The following PIEZO2 variants were observed in gnomAD, a reference collection of about 807,000 sequenced individuals.
The protein encoded by PIEZO2 is piezo type mechanosensitive ion channel component 2, also known as piezo-type mechanosensitive ion channel component 2.
PIEZO2 carries 172 observed loss-of-function variants against 337.3 expected under a neutral mutation model. That is an observed-to-expected ratio of 0.51 (90% CI 0.45 to 0.58). The LOEUF (loss-of-function observed/expected upper bound fraction) is 0.58, where lower values mean the gene tolerates loss of function less well. PIEZO2 is among the 20% of genes least tolerant of loss of function. The pLI is 0.00. For missense variants in PIEZO2, 3,028 were observed against 3,391.3 expected, an observed-to-expected ratio of 0.89 and a Z score of 2.66; for synonymous variants, 1,251 against 1,228.5, an observed-to-expected ratio of 1.02 and a Z score of -0.38.
chr18:10,763,295 C>A, intron 21 of PIEZO2, 197 bp from the exon 22 acceptor site: 1 of 590,532 alleles, frequency 1.7e-6, no homozygotes, highest in Non-Finnish European at 3.0e-6. Context: ...GGCATTATGT[C>A]TTGTATGGCA....
At chr18:10,893,606 T>C (rs1194580244) in intron 4 of PIEZO2, 1 of 152,192 alleles carries the variant, frequency 6.6e-6, no homozygotes, top group Non-Finnish European at 1.5e-5. Flanking sequence ...GGGTGAGCAG[T>C]TCAGGATGAG....
At chr18:10,905,112 T>C (rs111576050) in intron 4 of PIEZO2, among the ~76,000 whole-genome samples, 5 of 152,342 alleles carry the variant, frequency 3.3e-5, no homozygotes, top group African/African-American at 1.2e-4. Flanking sequence ...AAATTTTACA[T>C]TATAATTTCA....
chr18:11,060,687 C>G (rs1468965275), intron 2 of PIEZO2, among the ~76,000 whole-genome samples: 1 of 152,174 alleles, frequency 6.6e-6, no homozygotes, highest in Non-Finnish European at 1.5e-5. Flanking sequence ...GACACATACA[C>G]CCTCCCAAGA....
At chr18:11,076,066 G>A (rs900402031) in intron 1 of PIEZO2, among the ~76,000 whole-genome samples, 4 of 152,110 alleles carry the variant, frequency 2.6e-5, no homozygotes, top group East Asian at 1.9e-4. Flanking sequence ...GATTACAGGC[G>A]TGAGCCACCG....
chr18:11,082,539 G>C (rs1370881516), intron 1 of PIEZO2, among the ~76,000 whole-genome samples: 1 of 151,976 alleles, frequency 6.6e-6, no homozygotes, highest in South Asian at 2.1e-4. Flanking sequence ...GGATGGTCTC[G>C]ATCTCCTGAC....
chr18:11,075,218 C>G (rs111756603), intron 1 of PIEZO2, among the ~76,000 whole-genome samples: 1 of 152,032 alleles, frequency 6.6e-6, no homozygotes, highest in Admixed American at 6.6e-5. Context: ...TCTTTCTGTA[C>G]GCTGAAGCAA....
In PIEZO2 at chr18:11,102,827, C is replaced by T. The variant is rs1010854633; in HGVS notation, c.65-36605G>A. ...CTTCAGACTTCAGATGGTTCCAGGC[C>T]GGCCTCCTCTCCCTCCCAGGAGGCT... On this transcript the variant is annotated intron_variant, in intron 1 of 55. Transcript: ENST00000674853. This position sits in a 1 kb window ranked among gnomAD's most constrained non-coding sequence, Gnocchi z 5.7. Among the ~76,000 whole-genome samples the T allele has an allele frequency of 4.6e-5, 7 of 152,154 alleles. No individual in the cohort carries two copies. Among genetic ancestry groups the T allele is most frequent in the South Asian group, 2.1e-4 (1 of 4,826 alleles).
chr18:10,839,553 A>G (rs2041126366), intron 7 of PIEZO2, among the ~76,000 whole-genome samples: 1 of 151,146 alleles, frequency 6.6e-6, no homozygotes, highest in Admixed American at 6.6e-5. Flanking sequence ...TTACTTTGCC[A>G]GACCACTTCA....
In PIEZO2 at chr18:10,757,955, GA is replaced by G. The variant is rs772901067; in HGVS notation, c.3923+13del. On this transcript the variant is annotated intron_variant, in intron 27 of 55. Coordinates refer to ENST00000674853, the MANE Select transcript of PIEZO2 (RefSeq NM_001378183.1). ...CATCAAAGTGGCTTTTAGCAAATGT[GA>G]AGCTCTTGTTACCTGCAGTGAATAA... 5.9e-6 allele frequency: 9 copies of G among 1,527,672 alleles called. No individual in the cohort carries two copies. Among genetic ancestry groups the G allele is most frequent in the Non-Finnish European group, 7.0e-6 (8 of 1,141,976 alleles). 94.6% of individuals were successfully genotyped at this position (1,527,672 alleles called of 1,614,324 possible).
intron 2 of PIEZO2, among the ~76,000 whole-genome samples, chr18:11,034,075 G>C (rs534313072): frequency 6.6e-6 from 1 of 152,258 alleles, no homozygotes; most frequent in African/African-American, 2.4e-5. Context: ...ACCCAATGCT[G>C]TGTGTGCGAA....
rs1486366869 is a variant in PIEZO2, at chr18:10,726,320, TC to T, written c.5029+5086del. Reference sequence around the variant, plus strand: ...GCCCCGGCCAGGTGGAGCAGGTGGGTCCCCGAACGCCCCGCCCAGCGCTGCC... The same window carrying T: ...GCCCCGGCCAGGTGGAGCAGGTGGGTCCCGAACGCCCCGCCCAGCGCTGCC... On this transcript the variant is annotated intron_variant, in intron 36 of 55. Transcript: ENST00000674853. The surrounding 1 kb of genome is among the most constrained non-coding windows in gnomAD (Gnocchi z 5.9). 1 of 1,328,926 alleles carries T rather than the reference TC, an allele frequency of 7.5e-7. No individual in the cohort carries two copies. Among genetic ancestry groups the T allele is most frequent in the African/African-American group, 1.5e-5 (1 of 68,056 alleles). The allele number at this position is 1,328,926 out of a possible 1,614,324, so 82.3% of individuals were successfully genotyped here.
intron 7 of PIEZO2, among the ~76,000 whole-genome samples, chr18:10,814,170 TG>T (rs1261748100): frequency 1.3e-5 from 2 of 151,884 alleles, no homozygotes; most frequent in Non-Finnish European, 2.9e-5. Context: ...AGGGTTTCAC[TG>T]TGTTAGCCAG....
chr18:10,846,730 G>A lies in PIEZO2; in HGVS notation c.917+8623C>T, dbSNP rs1430139170. Among the ~76,000 whole-genome samples the A allele has an allele frequency of 2.1e-4, 32 of 152,144 alleles. No homozygotes were observed. Among genetic ancestry groups the A allele is most frequent in the Admixed American group, 2.1e-3 (32 of 15,274 alleles). ...TTTTCCTTCCTTATAAAGGAAGATGGAAGGTTCTGGAAGGAGGTGCATGGG... is the reference window on the plus strand; with the variant it reads ...TTTTCCTTCCTTATAAAGGAAGATGAAAGGTTCTGGAAGGAGGTGCATGGG... On this transcript the variant is annotated intron_variant, in intron 7 of 55. Transcript: ENST00000674853. This position sits in a 1 kb window ranked among gnomAD's most constrained non-coding sequence, Gnocchi z 4.1.
In PIEZO2 at chr18:11,078,149, ACACACACACATACACACAC is replaced by A. The variant is rs1268264410; in HGVS notation, c.65-11946_65-11928del. On this transcript the variant is annotated intron_variant, in intron 1 of 55. Transcript: ENST00000674853. This position sits in a 1 kb window ranked among gnomAD's most constrained non-coding sequence, Gnocchi z 5.3. Reference sequence around the variant, plus strand: ...ACACACACATACACACACACTCACCACACACACACATACACACACCACACACACATACACACACACACTT... The same window carrying A: ...ACACACACATACACACACACTCACCACACACACACATACACACACACACTT... 3.3e-5 allele frequency among the ~76,000 whole-genome samples: 5 copies of A among 151,064 alleles called. No homozygotes were observed. The highest frequency in any genetic ancestry group is 1.2e-4 in the African/African-American group (5 of 40,982).
At chr18:10,760,229 C>T (rs934751389) in intron 24 of PIEZO2, among the ~76,000 whole-genome samples, 7 of 152,310 alleles carry the variant, frequency 4.6e-5, no homozygotes, top group Admixed American at 2.0e-4. Flanking sequence ...CTATCACAAT[C>T]GTTTTAGGTT....
At chr18:10,755,867 A>AG (rs969540276) in intron 27 of PIEZO2, among the ~76,000 whole-genome samples, 1 of 151,578 alleles carries the variant, frequency 6.6e-6, no homozygotes, top group African/African-American at 2.4e-5. Flanking sequence ...AGACGAATGG[A>AG]GGATGAGGAG....
At chr18:11,140,479 C>A (rs905643367) in intron 1 of PIEZO2, among the ~76,000 whole-genome samples, 2 of 152,242 alleles carry the variant, frequency 1.3e-5, no homozygotes. Context: ...CATTCCCACA[C>A]ACTTTCCTCT....
chr18:10,863,962 C>T lies in PIEZO2; in HGVS notation c.493-6751G>A, dbSNP rs145177654. 2.6e-3 allele frequency among the ~76,000 whole-genome samples: 402 copies of T among 152,218 alleles called. 1 individual carries two copies. Among genetic ancestry groups the T allele is most frequent in the Non-Finnish European group, 4.1e-3 (280 of 68,012 alleles). ...AACCACCTATTTTCTCTTGTAGGAA[C>T]CAGCTAAGTGTAGCTGTTCTAAATG... On this transcript the variant is annotated intron_variant, in intron 5 of 55. Transcript: ENST00000674853. The surrounding 1 kb of genome is among the most constrained non-coding windows in gnomAD (Gnocchi z 4.3).
chr18:11,084,082 C>G (rs1376982322), intron 1 of PIEZO2, among the ~76,000 whole-genome samples: 1 of 147,094 alleles, frequency 6.8e-6, no homozygotes, highest in African/African-American at 2.5e-5. Flanking sequence ...GAGGCTGAGG[C>G]AGGAGAATCA....
Sources: allele counts gnomAD v4.1 joint callset (sites outside exome capture counted in the v4.1 genomes callset), GRCh38; gene constraint gnomAD v4.1.1; non-coding constraint Gnocchi (gnomAD v3.1); transcripts MANE v1.5; gene names NCBI Gene and HGNC (gene_info 2026-07-23, HGNC 2026-07-21).